Variants in TECPR2 observed in about 807,000 individuals in gnomAD.
TECPR2 encodes the protein tectonin beta-propeller repeat containing 2.
Under a neutral mutation model 138.1 loss-of-function variants are expected in TECPR2, and 65 were observed. The ratio of observed to expected loss-of-function variants is 0.47; its 90% CI spans 0.39 to 0.58. The LOEUF (loss-of-function observed/expected upper bound fraction) is 0.58, where lower values mean the gene tolerates loss of function less well. Ranked by LOEUF, TECPR2 falls within the 20% of genes least tolerant of loss-of-function variation. The pLI, the probability that TECPR2 is intolerant of heterozygous loss-of-function variation, is 0.00. For missense variants in TECPR2, 1,553 were observed against 1,824.5 expected (o/e 0.85, Z 2.71); for synonymous variants, 746 against 749.8 (o/e 0.99, Z 0.08).
At chr14:102,400,762 G>A (rs144742344) in intron 2 of TECPR2, among the ~76,000 whole-genome samples, 1,710 of 152,178 alleles carry the variant, frequency 0.011, 31 homozygotes, top group African/African-American at 0.037. Context: ...AGCCAGGCGC[G>A]GTGGCTCACG....
At chr14:102,390,944 CT>C (rs1355368750) in intron 2 of TECPR2, among the ~76,000 whole-genome samples, 1 of 152,070 alleles carries the variant, frequency 6.6e-6, no homozygotes, top group African/African-American at 2.4e-5. Flanking sequence ...CCTCCCTGGG[CT>C]GATCAACAGC....
chr14:102,469,754 A>C (rs767574149), intron 17 of TECPR2, among the ~76,000 whole-genome samples: 2 of 152,114 alleles, frequency 1.3e-5, no homozygotes, highest in African/African-American at 4.8e-5. Context: ...CCTAGAAGGA[A>C]TTCTAGGAGT....
intron 7 of TECPR2, among the ~76,000 whole-genome samples, chr14:102,429,150 C>T (rs1889403093): frequency 6.6e-6 from 1 of 152,118 alleles, no homozygotes; most frequent in East Asian, 1.9e-4. Context: ...CCCGGCCGCT[C>T]CTCTGATTGT....
intron 9 of TECPR2, chr14:102,436,912 G>C: frequency 2.4e-6 from 2 of 841,404 alleles, no homozygotes; most frequent in South Asian, 1.1e-4. Flanking sequence ...ACTGTCGGTG[G>C]GGTGGGGTAT....
chr14:102,407,514 C>T, intron 3 of TECPR2, 48 bp downstream of exon 3: 2 of 1,535,908 alleles, frequency 1.3e-6, no homozygotes, highest in South Asian at 1.2e-5. Flanking sequence ...GCACATTCCT[C>T]ATGGATTTTT....
intron 8 of TECPR2, among the ~76,000 whole-genome samples, chr14:102,432,832 C>T (rs145407272): frequency 0.014 from 2,179 of 151,990 alleles, 24 homozygotes; most frequent in Middle Eastern, 0.027. Context: ...GGTGAAACCC[C>T]GTCTCTACTA....
chr14:102,498,980 AC>A lies in TECPR2; in HGVS notation c.*727del. On this transcript the variant is annotated 3_prime_UTR_variant, in exon 20 of 20. Transcript: ENST00000359520. ...CACACCTCACCACACAACACACCAC[AC>A]CCCACACCGCACTGCACCGCACCGC... 1.4e-6 allele frequency: 1 copy of A among 695,854 alleles called. No individual in the cohort carries two copies. Among genetic ancestry groups the A allele is most frequent in the East Asian group, 2.7e-5 (1 of 36,996 alleles). 43.1% of individuals were successfully genotyped at this position (695,854 alleles called of 1,614,324 possible).
intron 2 of TECPR2, among the ~76,000 whole-genome samples, chr14:102,386,470 AAAAAT>A (rs1033546987): frequency 4.6e-5 from 7 of 152,310 alleles, no homozygotes; most frequent in Admixed American, 1.3e-4. Context: ...ACTCTGTCTC[AAAAAT>A]AAAATAAAGT....
At position 102,424,951 on chromosome 14, in the gene TECPR2, G is replaced by T. The variant is rs1165923900; in HGVS notation, c.639-28G>T. The T allele has an allele frequency of 6.2e-5, 97 of 1,569,884 alleles. No individual in the cohort carries two copies. The Admixed American group carries it at 7.2e-4, about 12-fold the overall frequency. On this transcript the variant is annotated intron_variant, in intron 5 of 19. Coordinates refer to ENST00000359520, the MANE Select transcript of TECPR2 (RefSeq NM_014844.5). ...TTAAATCAGTCCATGTCTGTTTTTT[G>T]TTCTTTCTTTCTTTCTTCTAATTTT...
intron 2 of TECPR2, among the ~76,000 whole-genome samples, chr14:102,388,097 A>G (rs926957269): frequency 3.3e-5 from 5 of 152,244 alleles, no homozygotes; most frequent in Non-Finnish European, 7.3e-5. Flanking sequence ...TCACCATAGC[A>G]GCCAAGGTGC....
intron 2 of TECPR2, among the ~76,000 whole-genome samples, chr14:102,401,857 T>C (rs1888499003): frequency 6.8e-6 from 1 of 147,728 alleles, no homozygotes; most frequent in Admixed American, 6.7e-5. Flanking sequence ...CAAATGTTGC[T>C]GGTGAAAGGA....
intron 1 of TECPR2, among the ~76,000 whole-genome samples, chr14:102,370,299 G>A (rs1887467073): frequency 6.6e-6 from 1 of 152,130 alleles, no homozygotes. Flanking sequence ...TCAAACTCCT[G>A]ACCTCAGGTG....
Position 102,498,261 on chromosome 14 carries a change from A to G in TECPR2, c.*4A>G, listed in dbSNP as rs748466344. On this transcript the variant is annotated 3_prime_UTR_variant, in exon 20 of 20. Transcript: ENST00000359520. ...GGACGAGTGGGAGGTCATCTGAAGG[A>G]GCCCTGGCCGAGTCACGCGGAGGGG... 6 of 1,598,900 alleles carry G rather than the reference A, an allele frequency of 3.8e-6. No homozygotes were observed. Among genetic ancestry groups the G allele is most frequent in the Non-Finnish European group, 5.1e-6 (6 of 1,179,334 alleles).
chr14:102,452,659 G>C (rs1455666757), intron 16 of TECPR2, 32 bp downstream of exon 16: 6 of 1,511,648 alleles, frequency 4.0e-6, no homozygotes, highest in Non-Finnish European at 5.4e-6. Context: ...ACCTGCCGGT[G>C]CCCTGACTGC....
intron 2 of TECPR2, among the ~76,000 whole-genome samples, chr14:102,399,999 C>G (rs1227864631): frequency 6.7e-6 from 1 of 150,240 alleles, no homozygotes; most frequent in East Asian, 1.9e-4. Context: ...AGTCTAAAAG[C>G]TAGTAGTATT....
intron 4 of TECPR2, among the ~76,000 whole-genome samples, chr14:102,414,178 G>A (rs965778754): frequency 1.3e-5 from 2 of 152,162 alleles, no homozygotes; most frequent in African/African-American, 4.8e-5. Context: ...TGAACTTACA[G>A]AGCTGATTAT....
intron 17 of TECPR2, among the ~76,000 whole-genome samples, chr14:102,478,655 A>G (rs1890820159): frequency 6.6e-6 from 1 of 151,896 alleles, no homozygotes; most frequent in Non-Finnish European, 1.5e-5. Context: ...TCTCAAAAAA[A>G]AAAAAAAGTT....
rs368412335 is a variant in TECPR2 at position 102,497,560 on chromosome 14, C to G, written c.3932-10C>G. The G allele has an allele frequency of 1.3e-6, 2 of 1,573,526 alleles. No individual in the cohort carries two copies. Among genetic ancestry groups the G allele is most frequent in the African/African-American group, 2.7e-5 (2 of 74,038 alleles). ...GGCAGGGGCTCAGGAGGGACCCTGT[C>G]TGCCCACAGGGTTGCAGGCCTGCCA... On this transcript the variant is annotated splice_polypyrimidine_tract_variant and intron_variant, in intron 18 of 19. Coordinates refer to ENST00000359520, the MANE Select transcript of TECPR2 (RefSeq NM_014844.5).
chr14:102,456,764 T>C (rs1890285822), intron 16 of TECPR2, among the ~76,000 whole-genome samples: 2 of 151,510 alleles, frequency 1.3e-5, no homozygotes, highest in African/African-American at 2.4e-5. Context: ...TAATTTTTTG[T>C]ATTTTTAGTA....
Sources: gnomAD v4.1 joint callset for allele counts (sites outside exome capture counted in the v4.1 genomes callset) on GRCh38, gnomAD v4.1.1 for gene constraint, MANE v1.5 for transcripts, NCBI Gene and HGNC (gene_info 2026-07-23, HGNC 2026-07-21) for gene names.